CFAP54: variants seen among roughly 807,000 people sequenced by gnomAD.
CFAP54 encodes the protein cilia- and flagella-associated protein 54.
In CFAP54, 290 loss-of-function variants were observed where a neutral mutation model predicts 370.4. That is an observed-to-expected ratio of 0.78 (90% CI 0.71 to 0.86). The LOEUF is 0.86. CFAP54 is among the 40% of genes least tolerant of loss of function. CFAP54 has a pLI of 0.00. For synonymous variants in CFAP54, 1,206 were observed against 1,236.5 expected (o/e 0.98, Z 0.52); for missense variants, 3,399 against 3,528.7 (o/e 0.96, Z 0.93).
At position 96,615,140 on chromosome 12, in the gene CFAP54, C is replaced by T. The variant is rs565871585; in HGVS notation, c.3640-6450C>T. Among the ~76,000 whole-genome samples the T allele has an allele frequency of 2.0e-5, 3 of 152,314 alleles. No individual in the cohort carries two copies. In the South Asian group the frequency reaches 6.2e-4, roughly 32 times the overall value. On this transcript the variant is annotated intron_variant, in intron 26 of 67. Coordinates refer to ENST00000524981, the MANE Select transcript of CFAP54 (RefSeq NM_001306084.2). ...TACAAGGCTACAGTAACCAAAACAG[C>T]ATGGTAGTGGTACCAAAAGAGAGAT...
At chr12:96,720,329 A>AATATTTGCT in intron 49 of CFAP54, 76 bp from the exon 50 acceptor site, 1 of 1,222,712 alleles carries the variant, frequency 8.2e-7, no homozygotes, top group Middle Eastern at 2.9e-4. Context: ...GTACATGAAA[A>AATATTTGCT]ATATTTGCTA....
At chr12:96,619,153 G>A (rs906171035) in intron 26 of CFAP54, among the ~76,000 whole-genome samples, 1 of 152,046 alleles carries the variant, frequency 6.6e-6, no homozygotes, top group Non-Finnish European at 1.5e-5. Flanking sequence ...CATAAGCCAC[G>A]GCAACCAGCC....
At chr12:96,539,064 G>GGTT (rs1555229705) in intron 13 of CFAP54, among the ~76,000 whole-genome samples, 14 of 111,828 alleles carry the variant, frequency 1.3e-4, no homozygotes, top group African/African-American at 4.6e-4. Context: ...GCCTTTTCAG[G>GGTT]TTTTTTTTTT....
chr12:96,780,010 C>T (rs928301900), intron 60 of CFAP54, among the ~76,000 whole-genome samples: 3 of 151,988 alleles, frequency 2.0e-5, no homozygotes, highest in East Asian at 1.9e-4. Context: ...TTTTCTAAAA[C>T]GATGCCTATT....
chr12:96,651,015 T>C (rs1482232879), intron 35 of CFAP54, among the ~76,000 whole-genome samples: 1 of 152,182 alleles, frequency 6.6e-6, no homozygotes, highest in Non-Finnish European at 1.5e-5. Flanking sequence ...AATGCTCTTC[T>C]CCACCCAACA....
chr12:96,613,741 C>G (rs1956385719), intron 26 of CFAP54, among the ~76,000 whole-genome samples: 1 of 152,148 alleles, frequency 6.6e-6, no homozygotes, highest in Non-Finnish European at 1.5e-5. Flanking sequence ...CTATAAACAC[C>G]TATATGCAAA....
intron 13 of CFAP54, among the ~76,000 whole-genome samples, chr12:96,538,885 T>A (rs150835691): frequency 1.2e-3 from 179 of 151,890 alleles, no homozygotes; most frequent in African/African-American, 3.9e-3. Context: ...CCCTAGTAGC[T>A]GGGACTACAG....
intron 32 of CFAP54, among the ~76,000 whole-genome samples, chr12:96,643,718 C>T (rs1371669562): frequency 1.3e-5 from 2 of 152,096 alleles, no homozygotes; most frequent in Non-Finnish European, 2.9e-5. Flanking sequence ...CAGCTATATT[C>T]AACTGATGTT....
At chr12:96,847,277 C>T (rs971773653) in intron 66 of CFAP54, among the ~76,000 whole-genome samples, 1 of 152,074 alleles carries the variant, frequency 6.6e-6, no homozygotes, top group Non-Finnish European at 1.5e-5. Flanking sequence ...GTGAGCTGCC[C>T]TCCCTCCCAG....
chr12:96,735,395 G>T (rs955047685), intron 50 of CFAP54, among the ~76,000 whole-genome samples: 3 of 152,160 alleles, frequency 2.0e-5, no homozygotes, highest in African/African-American at 7.2e-5. Flanking sequence ...CTCAGAAGGG[G>T]TTCACTATCC....
intron 26 of CFAP54, among the ~76,000 whole-genome samples, chr12:96,612,308 A>G (rs1490252607): frequency 6.6e-6 from 1 of 152,190 alleles, no homozygotes; most frequent in Non-Finnish European, 1.5e-5. Flanking sequence ...AGTGAAGGAA[A>G]AATAAAATCC....
chr12:96,834,258 G>T (rs1959179329), intron 66 of CFAP54, among the ~76,000 whole-genome samples: 1 of 152,248 alleles, frequency 6.6e-6, no homozygotes, highest in Non-Finnish European at 1.5e-5. Flanking sequence ...AGCGGTCAAG[G>T]GAGGCTGTTA....
intron 50 of CFAP54, among the ~76,000 whole-genome samples, chr12:96,736,973 C>G (rs528266934): frequency 6.6e-6 from 1 of 152,222 alleles, no homozygotes; most frequent in South Asian, 2.1e-4. Context: ...AGCTGTGTGA[C>G]TTGGATCAAG....
chr12:96,786,801 A>G lies in CFAP54; in HGVS notation c.8582A>G (p.Tyr2861Cys), dbSNP rs1565977931. 6.5e-7 allele frequency: 1 copy of G among 1,535,786 alleles called. No individual in the cohort carries two copies. The highest frequency in any genetic ancestry group is 1.2e-5 in the South Asian group (1 of 84,052). ...HFFLKKFLQL[Y>C]SSSCIDEFPK... ...TTCCTTAAAAAATTCTTACAGCTGT[A>G]TTCTTCTTCTTGTATTGATGAATTT... Residue 2861 changes from tyrosine to cysteine, a missense_variant, in exon 62 of 68, where the codon TAT becomes TGT. By Grantham distance (194) the Tyr-to-Cys change is radical (BLOSUM62 -2). Around this residue, in one of 3 missense-constraint regions of CFAP54, gnomAD observed 2,796 missense variants for 2,869.7 expected, o/e 0.97. Transcript: ENST00000524981.
chr12:96,739,044 C>A (rs190269238), intron 50 of CFAP54, among the ~76,000 whole-genome samples: 2 of 152,298 alleles, frequency 1.3e-5, no homozygotes, highest in African/African-American at 4.8e-5. Context: ...GGGGTTAAGA[C>A]CTCAACATAC....
intron 20 of CFAP54, among the ~76,000 whole-genome samples, chr12:96,577,286 G>A (rs1393610954): frequency 1.3e-5 from 2 of 152,150 alleles, no homozygotes; most frequent in Admixed American, 6.5e-5. Flanking sequence ...ACATCTTTGT[G>A]TATTTATTGG....
chr12:96,614,828 G>A (rs1173020043), intron 26 of CFAP54, among the ~76,000 whole-genome samples: 1 of 151,134 alleles, frequency 6.6e-6, no homozygotes, highest in African/African-American at 2.4e-5. Context: ...TCTTCAAGGA[G>A]AACTACAAAC....
intron 13 of CFAP54, among the ~76,000 whole-genome samples, 172 bp from the exon 14 acceptor site, chr12:96,540,664 AT>A (rs1346292821): frequency 1.3e-5 from 2 of 152,224 alleles, no homozygotes; most frequent in African/African-American, 4.8e-5. Flanking sequence ...TAAAAGGATT[AT>A]TGAGTTTTAT....
chr12:96,765,100 T>G lies in CFAP54; in HGVS notation c.8163T>G (p.Ile2721Met). The change falls in exon 60 of 68, where the codon ATT (isoleucine) becomes ATG (methionine). Residue 2721 changes from isoleucine to methionine, a missense_variant. This residue lies in a region of CFAP54 where 2,796 missense variants were observed against 2,869.7 expected (regional missense o/e 0.97). Transcript: ENST00000524981. ...AGGTCAGTGAAGCTGTGCTGGCAAT[T>G]AACTTACTTATTGGAAAGAAGAATA... ...AAQVSEAVLAINLLIGKKNTR... is the reference protein window; with the variant it reads ...AAQVSEAVLAMNLLIGKKNTR... The G allele has an allele frequency of 6.7e-7, 1 of 1,488,232 alleles. No homozygotes were observed. Among genetic ancestry groups the G allele is most frequent in the African/African-American group, 1.4e-5 (1 of 73,534 alleles). The allele number at this position is 1,488,232 out of a possible 1,614,324, so 92.2% of individuals were successfully genotyped here.
Sources: allele counts gnomAD v4.1 joint callset (sites outside exome capture counted in the v4.1 genomes callset), GRCh38; gene constraint gnomAD v4.1.1; regional missense constraint gnomAD v4.1.1; transcripts MANE v1.5; gene names NCBI Gene and HGNC (gene_info 2026-07-23, HGNC 2026-07-21).